The following CHD9 variants were observed in gnomAD, a reference collection of about 807,000 sequenced individuals.
The protein encoded by CHD9 is chromodomain helicase DNA binding protein 9.
A neutral mutation model predicts 316.1 loss-of-function variants in CHD9; 77 were observed. The ratio of observed to expected loss-of-function variants is 0.24; its 90% CI spans 0.20 to 0.29. The LOEUF is 0.29. Among genes scored for constraint, CHD9 ranks in the 10% least tolerant of loss-of-function variants. The pLI, the probability that CHD9 is intolerant of heterozygous loss-of-function variation, is 1.00. For synonymous variants in CHD9, 1,129 were observed against 1,158.3 expected (o/e 0.97, Z 0.51); for missense variants, 2,763 against 3,438.1 (o/e 0.80, Z 4.91).
chr16:53,179,002 A>G (rs1414730878), intron 2 of CHD9, among the ~76,000 whole-genome samples: 1 of 151,996 alleles, frequency 6.6e-6, no homozygotes, highest in Admixed American at 6.6e-5. Flanking sequence ...TAGCCTGGGC[A>G]ACATAGCGAG....
Position 53,238,328 on chromosome 16 carries a change from A to G in CHD9, c.2634-15A>G. ...AACCCAATGTATGCATGGATAATGT[A>G]TTTGTTTATTTCAGACGAAACTGCA... On this transcript the variant is annotated splice_polypyrimidine_tract_variant and intron_variant, in intron 11 of 38. Transcript: ENST00000447540. The G allele has an allele frequency of 1.2e-6, 2 of 1,604,360 alleles. No individual in the cohort carries two copies. Among genetic ancestry groups the G allele is most frequent in the Non-Finnish European group, 1.7e-6 (2 of 1,173,654 alleles).
chr16:53,087,289 G>A (rs2035543005), intron 1 of CHD9, among the ~76,000 whole-genome samples: 2 of 152,138 alleles, frequency 1.3e-5, no homozygotes, highest in Non-Finnish European at 2.9e-5. Context: ...CTTCCAGGGA[G>A]AGGGCACACG....
At position 53,285,626 on chromosome 16, in the gene CHD9, C is replaced by T. The variant is rs1467143067; in HGVS notation, c.4998C>T (p.Asp1666=). The T allele has an allele frequency of 1.9e-6, 3 of 1,605,588 alleles. No individual in the cohort carries two copies. In the South Asian group the frequency reaches 3.3e-5, roughly 18 times the overall value. Residue 1666 remains aspartate (D), a synonymous_variant, in exon 25 of 39, where the codon GAC becomes GAT. Coordinates refer to ENST00000447540, the MANE Select transcript of CHD9 (RefSeq NM_001308319.2). ...TTGATGTTTGGGTACCAGAACCAGA[C>T]CACTCAGAAGTTCCTGCTGAGTGGT... ...SDIDVWVPEP[D]HSEVPAEWWD... is the part of the protein sequence containing the mutation.
intron 4 of CHD9, among the ~76,000 whole-genome samples, chr16:53,225,667 T>C (rs902250774): frequency 1.3e-5 from 2 of 152,150 alleles, no homozygotes; most frequent in Non-Finnish European, 2.9e-5. Context: ...ATGTCTTTTA[T>C]ATTTAAGGAA....
In CHD9 at chr16:53,113,387, G is replaced by A. The variant is rs147511994; in HGVS notation, c.-164-42539G>A. On this transcript the variant is annotated intron_variant, in intron 1 of 38. Transcript: ENST00000447540. Reference sequence around the variant, plus strand: ...CACTTTTTTTTTTTTTTTTTTTTGAGATGGAGTCTCGCTCTCCTGGGCTCA... The same window carrying A: ...CACTTTTTTTTTTTTTTTTTTTTGAAATGGAGTCTCGCTCTCCTGGGCTCA... Among the ~76,000 whole-genome samples the A allele has an allele frequency of 5.6e-3, 501 of 89,770 alleles. 4 individuals are homozygous for A. Among genetic ancestry groups the A allele is most frequent in the African/African-American group, 0.016 (470 of 28,806 alleles). The allele number at this position is 89,770 out of a possible 152,430, so 58.9% of individuals were successfully genotyped here.
intron 22 of CHD9, among the ~76,000 whole-genome samples, chr16:53,268,537 CT>C (rs2051913937): frequency 6.6e-6 from 1 of 152,130 alleles, no homozygotes; most frequent in South Asian, 2.1e-4. Flanking sequence ...TACCCTCCTC[CT>C]TGTGCATATA....
At chr16:53,109,429 AT>A (rs910438226) in intron 1 of CHD9, among the ~76,000 whole-genome samples, 121 of 149,922 alleles carry the variant, frequency 8.1e-4, no homozygotes, top group African/African-American at 2.8e-3. Flanking sequence ...AGAAAGCAGC[AT>A]TTTTTTTTTC....
intron 1 of CHD9, among the ~76,000 whole-genome samples, chr16:53,084,447 A>G (rs1317629493): frequency 6.6e-6 from 1 of 152,210 alleles, no homozygotes; most frequent in Admixed American, 6.5e-5. Flanking sequence ...ACAGCATGAT[A>G]AAATCACAGA....
chr16:53,149,925 G>A (rs1018203792), intron 1 of CHD9, among the ~76,000 whole-genome samples: 2 of 151,322 alleles, frequency 1.3e-5, no homozygotes, highest in Non-Finnish European at 2.9e-5. Context: ...CTCTCTTTTG[G>A]TTACTATTTC....
intron 17 of CHD9, among the ~76,000 whole-genome samples, chr16:53,251,626 G>A (rs1233314490): frequency 6.6e-6 from 1 of 152,180 alleles, no homozygotes; most frequent in Non-Finnish European, 1.5e-5. Context: ...GATTTAATTT[G>A]TCTGAAGATA....
At chr16:53,083,505 T>C (rs538263009) in intron 1 of CHD9, among the ~76,000 whole-genome samples, 13 of 152,330 alleles carry the variant, frequency 8.5e-5, no homozygotes, top group Admixed American at 4.6e-4. Flanking sequence ...TTCTGCACCA[T>C]TCCATTGTAA....
intron 1 of CHD9, among the ~76,000 whole-genome samples, chr16:53,120,478 T>C (rs2038660313): frequency 6.6e-6 from 1 of 151,954 alleles, no homozygotes; most frequent in Non-Finnish European, 1.5e-5. Context: ...CCGGGTGTGG[T>C]GGCGCATGCC....
At chr16:53,165,165 C>G (rs896615740) in intron 2 of CHD9, among the ~76,000 whole-genome samples, 5 of 152,028 alleles carry the variant, frequency 3.3e-5, no homozygotes, top group South Asian at 2.1e-4. Flanking sequence ...GATGGAATAG[C>G]TTAGATATGT....
chr16:53,063,747 G>A (rs578158513), intron 1 of CHD9, among the ~76,000 whole-genome samples: 14 of 151,612 alleles, frequency 9.2e-5, no homozygotes, highest in Non-Finnish European at 2.1e-4. Context: ...TAGCCAGGCT[G>A]GTCTCAATCT....
At chr16:53,159,880 G>A (rs369191557) in intron 2 of CHD9, among the ~76,000 whole-genome samples, 2 of 152,132 alleles carry the variant, frequency 1.3e-5, no homozygotes, top group Non-Finnish European at 2.9e-5. Context: ...ACCTCCCAAA[G>A]TACTGGCATT....
chr16:53,111,421 CT>C (rs1262055172), intron 1 of CHD9, among the ~76,000 whole-genome samples: 1 of 152,192 alleles, frequency 6.6e-6, no homozygotes, highest in Non-Finnish European at 1.5e-5. Context: ...AAAGAATTTC[CT>C]CACTTTAAAA....
At chr16:53,209,250 A>G (rs2046135589) in intron 2 of CHD9, among the ~76,000 whole-genome samples, 1 of 152,234 alleles carries the variant, frequency 6.6e-6, no homozygotes, top group Non-Finnish European at 1.5e-5. Flanking sequence ...TGAAAATATC[A>G]ATGAATCTAT....
intron 24 of CHD9, among the ~76,000 whole-genome samples, chr16:53,283,034 T>C: frequency 6.6e-6 from 1 of 152,150 alleles, no homozygotes; most frequent in East Asian, 1.9e-4. Context: ...GATCCACATT[T>C]CTCCAATGGG....
intron 1 of CHD9, among the ~76,000 whole-genome samples, chr16:53,107,460 AAAATAAAATAAAATAAAATAAAATAAAAT>A (rs1195352259): frequency 2.2e-5 from 1 of 45,754 alleles, no homozygotes; most frequent in African/African-American, 1.7e-4. Context: ...ACTCCATCTC[AAAATAAAATAAAATAAAATAAAATAAAAT>A]AAATAAAATA....
Sources: allele counts gnomAD v4.1 joint callset (sites outside exome capture counted in the v4.1 genomes callset), GRCh38; gene constraint gnomAD v4.1.1; transcripts MANE v1.5; gene names NCBI Gene and HGNC (gene_info 2026-07-23, HGNC 2026-07-21).